Variants in LIPA observed in about 807,000 individuals in gnomAD.
LIPA encodes lysosomal acid lipase/cholesteryl ester hydrolase.
A neutral mutation model predicts 40.6 loss-of-function variants in LIPA; 26 were observed. The observed-to-expected ratio is 0.64, with a 90% CI of 0.47 to 0.89. The LOEUF (loss-of-function observed/expected upper bound fraction) is 0.89, where lower values mean the gene tolerates loss of function less well. LIPA is among the 40% of genes least tolerant of loss of function. LIPA has a pLI of 0.00. For missense variants in LIPA, 455 were observed against 479.6 expected (o/e 0.95, Z 0.48); for synonymous variants, 188 against 168.4 (o/e 1.12, Z -0.90).
rs532610338 is a variant in LIPA at position 89,411,146 on chromosome 10, C to T, written c.61+1645G>A. Among the ~76,000 whole-genome samples the T allele has an allele frequency of 3.9e-5, 6 of 152,320 alleles. No homozygotes were observed. The East Asian group carries it at 7.7e-4, about 20-fold the overall frequency. On this transcript the variant is annotated intron_variant, in intron 2 of 8. Transcript: ENST00000371837. ...CACTGAGGCCACTGACAACCAGTAG[C>T]CTTCCTATCAAAAATCCTTACCCAG...
At chr10:89,403,394 A>G (rs755162102) in intron 2 of LIPA, 1 of 1,613,868 alleles carries the variant, frequency 6.2e-7, no homozygotes, top group Non-Finnish European at 8.5e-7. Context: ...AACCAGTGGT[A>G]GAAGAAACAA....
chr10:89,305,478 A>G (rs977055595), intron 1 of LIPA, among the ~76,000 whole-genome samples: 2 of 152,216 alleles, frequency 1.3e-5, no homozygotes. Flanking sequence ...ATGAAGCTGC[A>G]TTTCGGAGGG....
chr10:89,364,263 C>A (rs181015779), intron 2 of LIPA, among the ~76,000 whole-genome samples: 1 of 152,192 alleles, frequency 6.6e-6, no homozygotes, highest in Non-Finnish European at 1.5e-5. Flanking sequence ...TGTTAGGTAC[C>A]TGGCACCTGC....
intron 1 of LIPA, chr10:89,285,063 C>G (rs1318137721): frequency 7.1e-6 from 1 of 141,612 alleles, no homozygotes; most frequent in Non-Finnish European, 1.6e-5. Flanking sequence ...GATTAAAAAG[C>G]TTTATTGCTC....
At chr10:89,328,170 C>A (rs2133537785) in intron 1 of LIPA, 1 of 1,230,376 alleles carries the variant, frequency 8.1e-7, no homozygotes, top group South Asian at 1.2e-5. Flanking sequence ...CTGAATTGTC[C>A]TGATGTTTAT....
chr10:89,290,569 T>C (rs1396966509), intron 1 of LIPA, among the ~76,000 whole-genome samples: 1 of 152,222 alleles, frequency 6.6e-6, no homozygotes, highest in Non-Finnish European at 1.5e-5. Flanking sequence ...CCAGATGGCC[T>C]GAAGTAACTG....
At chr10:89,376,799 A>G (rs1844125303) in intron 2 of LIPA, among the ~76,000 whole-genome samples, 1 of 152,178 alleles carries the variant, frequency 6.6e-6, no homozygotes, top group Non-Finnish European at 1.5e-5. Context: ...TTATAGAATC[A>G]TTTCTGCTTC....
At chr10:89,391,219 G>A (rs1281039067) in intron 2 of LIPA, among the ~76,000 whole-genome samples, 1 of 152,150 alleles carries the variant, frequency 6.6e-6, no homozygotes, top group Non-Finnish European at 1.5e-5. Context: ...TTTATATATT[G>A]TTATGATTAT....
At chr10:89,321,402 G>T (rs1488076580) in intron 1 of LIPA, among the ~76,000 whole-genome samples, 1 of 152,150 alleles carries the variant, frequency 6.6e-6, no homozygotes, top group Non-Finnish European at 1.5e-5. Context: ...ATCAAAAAGT[G>T]GGCAAAGGCT....
intron 2 of LIPA, chr10:89,403,180 TCAAG>T (rs1844467604): frequency 6.2e-7 from 1 of 1,613,576 alleles, no homozygotes; most frequent in East Asian, 2.2e-5. Context: ...ATGATCCAAA[TCAAG>T]GAGGCTACAA....
At chr10:89,350,477 T>C (rs1487746849) in intron 2 of LIPA, among the ~76,000 whole-genome samples, 3 of 152,024 alleles carry the variant, frequency 2.0e-5, no homozygotes, top group Non-Finnish European at 4.4e-5. Context: ...AGCTCATTTT[T>C]TGTATTTTTA....
At position 89,264,096 on chromosome 10, in the gene LIPA, G is replaced by A. The variant is rs539102706; in HGVS notation, c.-1-16447C>T. 2.6e-5 allele frequency among the ~76,000 whole-genome samples: 4 copies of A among 152,340 alleles called. No individual in the cohort carries two copies. The East Asian group carries it at 5.8e-4, about 22-fold the overall frequency. ...GGGAGCCTCTAGGTTTGGGCTCCTGGAAGGGCCTCTGCTCTTCTCTGCTGC... is the reference window on the plus strand; with the variant it reads ...GGGAGCCTCTAGGTTTGGGCTCCTGAAAGGGCCTCTGCTCTTCTCTGCTGC... On this transcript the variant is annotated intron_variant, in intron 1 of 5. Coordinates refer to the LIPA transcript ENST00000282673.
intron 1 of LIPA, among the ~76,000 whole-genome samples, chr10:89,279,715 G>T (rs1305192093): frequency 2.0e-5 from 3 of 152,194 alleles, no homozygotes; most frequent in South Asian, 2.1e-4. Flanking sequence ...AGAATTGACA[G>T]TGGAAGGAGG....
At chr10:89,344,984 T>C (rs890452131), upstream of LIPA, among the ~76,000 whole-genome samples, 6 of 152,130 alleles carry the variant, frequency 3.9e-5, no homozygotes, top group South Asian at 2.1e-4. Flanking sequence ...CTGGCCAACA[T>C]GGTAGAACCC....
At chr10:89,260,423 C>T in intron 1 of LIPA, among the ~76,000 whole-genome samples, 2 of 152,186 alleles carry the variant, frequency 1.3e-5, no homozygotes, top group East Asian at 3.8e-4. Context: ...ACCTGAGGCT[C>T]AAAACAGGAA....
upstream of LIPA, among the ~76,000 whole-genome samples, chr10:89,253,403 C>T (rs1185540334): frequency 6.6e-6 from 1 of 152,178 alleles, no homozygotes; most frequent in Non-Finnish European, 1.5e-5. Flanking sequence ...AAGGATTTTC[C>T]TCTTATAAAA....
At chr10:89,384,243 T>C in intron 2 of LIPA, 1 of 1,614,158 alleles carries the variant, frequency 6.2e-7, no homozygotes, top group Non-Finnish European at 8.5e-7. Context: ...ACTGGCAGCC[T>C]AGAGGGCAAG....
intron 1 of LIPA, among the ~76,000 whole-genome samples, chr10:89,270,838 C>G (rs1033417358): frequency 3.3e-5 from 5 of 152,128 alleles, no homozygotes; most frequent in African/African-American, 1.2e-4. Flanking sequence ...CAGAAGATAC[C>G]CTTAGGATCT....
intron 1 of LIPA, among the ~76,000 whole-genome samples, chr10:89,263,929 A>T (rs1472690475): frequency 6.6e-6 from 1 of 152,232 alleles, no homozygotes; most frequent in African/African-American, 2.4e-5. Flanking sequence ...GTTCTGTGCA[A>T]GCCTACTGCT....
Sources: allele counts gnomAD v4.1 joint callset (sites outside exome capture counted in the v4.1 genomes callset), GRCh38; gene constraint gnomAD v4.1.1; transcripts MANE v1.5; gene names NCBI Gene and HGNC (gene_info 2026-07-23, HGNC 2026-07-21).